The following NEMP2 variants were observed in gnomAD, a reference collection of about 807,000 sequenced individuals.
The protein encoded by NEMP2 is nuclear envelope integral membrane protein 2, also known as UPF0571 transmembrane protein.
A neutral mutation model predicts 54.2 loss-of-function variants in NEMP2; 53 were observed. That is an observed-to-expected ratio of 0.98 (90% confidence interval 0.78 to 1.23). The LOEUF is 1.23. NEMP2 is among the 50% of genes most tolerant of loss of function. The pLI, the probability that NEMP2 is intolerant of heterozygous loss-of-function variation, is 0.00. For synonymous variants in NEMP2, 197 were observed against 190.3 expected, an observed-to-expected ratio of 1.04 and a Z score of -0.29; for missense variants, 455 against 511.3, an observed-to-expected ratio of 0.89 and a Z score of 1.06.
chr2:190,517,987 C>T (rs937761439), intron 4 of NEMP2, among the ~76,000 whole-genome samples: 3 of 152,308 alleles, frequency 2.0e-5, no homozygotes, highest in African/African-American at 7.2e-5. Flanking sequence ...GGGATTACAG[C>T]CCAGCTCGTC....
At chr2:190,646,718 A>G in the NEMP2 span, 2 of 152,214 alleles carry the variant, frequency 1.3e-5, no homozygotes, top group African/African-American at 4.8e-5. Flanking sequence ...ACCAGATACA[A>G]CTCAGAAGAA....
rs191178419 is a variant in NEMP2, at chr2:190,521,852, T to C, written c.214-2669A>G. ...ACATCTTCATTGTCCCTCCTTTTAT[T>C]TCTCCTCTGCTTGCTCCTTCCTTCT... On this transcript the variant is annotated intron_variant, in intron 2 of 8. Transcript: ENST00000409150. The surrounding 1 kb of genome is among the most constrained non-coding windows in gnomAD (Gnocchi z 6.2). Among the ~76,000 whole-genome samples the C allele has an allele frequency of 6.6e-6, 1 of 152,254 alleles. No individual in the cohort carries two copies. The highest frequency in any genetic ancestry group is 6.5e-5 in the Admixed American group (1 of 15,296).
At chr2:190,467,090 C>T in the NEMP2 span, among the ~76,000 whole-genome samples, 2 of 152,168 alleles carry the variant, frequency 1.3e-5, no homozygotes, top group African/African-American at 4.8e-5. This position sits in a 1 kb window ranked among gnomAD's most constrained non-coding sequence, Gnocchi z 5.5. Context: ...AATTTGTGAA[C>T]ACTAGGAAAG....
In NEMP2 at chr2:190,521,836, T is replaced by C. The variant is rs564699739; in HGVS notation, c.214-2653A>G. On this transcript the variant is annotated intron_variant, in intron 2 of 8. Transcript: ENST00000409150. The surrounding 1 kb of genome is among the most constrained non-coding windows in gnomAD (Gnocchi z 6.2). The stretch of plus-strand genomic sequence containing the variant: ...CCCTAGGGCTTCCAGGACATCTTCA[T>C]TGTCCCTCCTTTTATTTCTCCTCTG... Among the ~76,000 whole-genome samples, 8 of 152,302 alleles carry C rather than the reference T, an allele frequency of 5.3e-5. No homozygotes were observed. Among genetic ancestry groups the C allele is most frequent in the East Asian group, 1.9e-4 (1 of 5,174 alleles).
the NEMP2 span, chr2:190,444,680 T>G: frequency 6.5e-6 from 1 of 153,264 alleles, no homozygotes; most frequent in East Asian, 1.9e-4. Context: ...AAAGCCACAC[T>G]GTAACTCCTG....
At chr2:190,593,380 C>T in the NEMP2 span, among the ~76,000 whole-genome samples, 675 of 152,268 alleles carry the variant, frequency 4.4e-3, 3 homozygotes, top group South Asian at 0.015. This position sits in a 1 kb window ranked among gnomAD's most constrained non-coding sequence, Gnocchi z 4.5. Flanking sequence ...CTGTCCCATG[C>T]GGTCATTCAG....
chr2:190,540,015 G>A, the NEMP2 span, among the ~76,000 whole-genome samples: 1 of 152,060 alleles, frequency 6.6e-6, no homozygotes, highest in African/African-American at 2.4e-5. Flanking sequence ...AGAGGAAAGG[G>A]TTTCAATTTC....
At chr2:190,596,031 A>G in the NEMP2 span, among the ~76,000 whole-genome samples, 1 of 152,234 alleles carries the variant, frequency 6.6e-6, no homozygotes, top group Admixed American at 6.5e-5. The surrounding 1 kb of genome is among the most constrained non-coding windows in gnomAD (Gnocchi z 5.1). Flanking sequence ...TAGATAAAGA[A>G]AATGTGGCAC....
chr2:190,472,746 A>G, the NEMP2 span, among the ~76,000 whole-genome samples: 1 of 152,164 alleles, frequency 6.6e-6, no homozygotes, highest in Non-Finnish European at 1.5e-5. Flanking sequence ...AGCCACAAAG[A>G]TACTCCTCGA....
At chr2:190,466,791 A>G in the NEMP2 span, among the ~76,000 whole-genome samples, 3 of 152,164 alleles carry the variant, frequency 2.0e-5, no homozygotes, top group Non-Finnish European at 4.4e-5. Flanking sequence ...TCAATTGTGA[A>G]AGTAGAAATG....
upstream of NEMP2, chr2:190,536,121 A>G (rs534042403): frequency 1.3e-5 from 2 of 152,368 alleles, no homozygotes; most frequent in East Asian, 1.9e-4. Context: ...TAAAGAAGCT[A>G]TATTGAAACA....
chr2:190,623,711 A>G, the NEMP2 span, among the ~76,000 whole-genome samples: 1 of 152,228 alleles, frequency 6.6e-6, no homozygotes, highest in Admixed American at 6.5e-5. Flanking sequence ...TGAAACAACT[A>G]GAAGAAAACA....
chr2:190,625,039 A>G, the NEMP2 span: 1 of 152,250 alleles, frequency 6.6e-6, no homozygotes, highest in African/African-American at 2.4e-5. Flanking sequence ...TTTGGAAAAC[A>G]GCTTGGCAGT....
the NEMP2 span, among the ~76,000 whole-genome samples, chr2:190,468,260 A>T: frequency 1.3e-5 from 2 of 152,182 alleles, no homozygotes; most frequent in African/African-American, 4.8e-5. Context: ...ACTTTTTGTA[A>T]TACTTCACTG....
At chr2:190,591,135 T>C in the NEMP2 span, among the ~76,000 whole-genome samples, 4 of 152,172 alleles carry the variant, frequency 2.6e-5, no homozygotes, top group South Asian at 6.2e-4. This position sits in a 1 kb window ranked among gnomAD's most constrained non-coding sequence, Gnocchi z 5.4. Flanking sequence ...CCCCCTTGTA[T>C]TGCCATGCAG....
At chr2:190,607,086 G>A in the NEMP2 span, among the ~76,000 whole-genome samples, 2 of 152,296 alleles carry the variant, frequency 1.3e-5, no homozygotes, top group Middle Eastern at 3.4e-3. This position sits in a 1 kb window ranked among gnomAD's most constrained non-coding sequence, Gnocchi z 5.2. Flanking sequence ...AGCCCATGGC[G>A]GGTGCTGAAG....
chr2:190,545,790 C>T, the NEMP2 span, among the ~76,000 whole-genome samples: 1 of 152,300 alleles, frequency 6.6e-6, no homozygotes, highest in South Asian at 2.1e-4. Flanking sequence ...CCCTCTCCCT[C>T]TCTTTCTTTT....
Position 190,516,357 on chromosome 2 carries a change from C to G in NEMP2, c.640G>C (p.Gly214Arg). Residue 214 changes from glycine to arginine, a missense_variant, in exon 6 of 9, where the codon GGT (glycine) becomes CGT (arginine). Gly to Arg is a moderately radical substitution (Grantham distance 125, BLOSUM62 -2). Coordinates refer to ENST00000409150, the MANE Select transcript of NEMP2 (RefSeq NM_001142645.2). ...KYSTFWALMV[G>R]CWFASVYIVC... ...ATATAAACTGAGGCAAACCAACAAC[C>G]AACCATTAGAGCCCAAAAGGTGCTA... The G allele has an allele frequency of 6.4e-7, 1 of 1,551,440 alleles. No individual in the cohort carries two copies.
At chr2:190,591,201 G>A in the NEMP2 span, among the ~76,000 whole-genome samples, 2 of 152,154 alleles carry the variant, frequency 1.3e-5, no homozygotes, top group Admixed American at 1.3e-4. The surrounding 1 kb of genome is among the most constrained non-coding windows in gnomAD (Gnocchi z 5.4). Context: ...AGGGTCCAGG[G>A]TGTGATGACT....
Sources: allele counts gnomAD v4.1 joint callset (sites outside exome capture counted in the v4.1 genomes callset), GRCh38; gene constraint gnomAD v4.1.1; non-coding constraint Gnocchi (gnomAD v3.1); transcripts MANE v1.5; gene names NCBI Gene and HGNC (gene_info 2026-07-23, HGNC 2026-07-21).